Variants in EARS2 observed in about 807,000 individuals in gnomAD.
The protein encoded by EARS2 is glutamyl-tRNA synthetase 2, mitochondrial.
In EARS2, 50 loss-of-function variants were observed where a neutral mutation model predicts 54.1. That is an observed-to-expected ratio of 0.92 (90% CI 0.74 to 1.17). EARS2 has a LOEUF of 1.17. Ranked by LOEUF, EARS2 falls within the 50% of genes most tolerant of loss-of-function variation. The pLI is 0.00. For synonymous variants in EARS2, 298 were observed against 281.0 expected, an observed-to-expected ratio of 1.06 and a Z score of -0.61; for missense variants, 673 against 675.0, an observed-to-expected ratio of 1.00 and a Z score of 0.03.
chr16:23,529,720 C>T (rs771812266), intron 6 of EARS2, 24 bp downstream of exon 6: 1 of 1,613,660 alleles, frequency 6.2e-7, no homozygotes, highest in Admixed American at 1.7e-5. Context: ...CCTCCCTCAG[C>T]TTCCCAGAAT....
chr16:23,552,281 G>T lies in EARS2; in HGVS notation c.163C>A (p.Arg55Ser). ...AAGATGTAGTTGTACAAGGCAGTGCGGAGGCCACCCAGGTGCAAGAAGCCT... is the reference window on the plus strand; with the variant it reads ...AAGATGTAGTTGTACAAGGCAGTGCTGAGGCCACCCAGGTGCAAGAAGCCT... ...PTGFLHLGGLRTALYNYIFAK... is the reference protein window; with the variant it reads ...PTGFLHLGGLSTALYNYIFAK... Residue 55 changes from arginine (R) to serine (S), a missense_variant, in exon 2 of 9, where the codon CGC becomes AGC. Around this residue, in one of 3 missense-constraint regions of EARS2, gnomAD observed 316 missense variants for 275.2 expected, o/e 1.15. Coordinates refer to ENST00000449606, the MANE Select transcript of EARS2 (RefSeq NM_001083614.2). The T allele has an allele frequency of 6.2e-7, 1 of 1,614,138 alleles. No individual in the cohort carries two copies. Among genetic ancestry groups the T allele is most frequent in the Non-Finnish European group, 8.5e-7 (1 of 1,179,988 alleles).
At chr16:23,546,322 C>G in intron 2 of EARS2, 1 of 445,690 alleles carries the variant, frequency 2.2e-6, no homozygotes. Context: ...GGACATTGTT[C>G]ACCTTGCTAC....
Position 23,535,972 on chromosome 16 carries a change from C to T in EARS2, c.486-612G>A, listed in dbSNP as rs547991566. Among the ~76,000 whole-genome samples, 7 of 152,316 alleles carry T rather than the reference C, an allele frequency of 4.6e-5. No individual in the cohort carries two copies. The East Asian group carries it at 1.3e-3, about 29-fold the overall frequency. On this transcript the variant is annotated intron_variant, in intron 3 of 8. Coordinates refer to ENST00000449606, the MANE Select transcript of EARS2 (RefSeq NM_001083614.2). ...ATAGAGCCCTGGTGTCTCTACACTG[C>T]TAGTCTCATCCTGGAGTCACCCACC...
At chr16:23,553,657 C>T (rs1322516510) in intron 1 of EARS2, among the ~76,000 whole-genome samples, 2 of 151,706 alleles carry the variant, frequency 1.3e-5, no homozygotes, top group African/African-American at 4.8e-5. Flanking sequence ...TTTGGGAGGC[C>T]GAGGCGGGTG....
chr16:23,526,567 C>T (rs1467637537), intron 7 of EARS2, among the ~76,000 whole-genome samples: 2 of 152,208 alleles, frequency 1.3e-5, no homozygotes, highest in African/African-American at 4.8e-5. Context: ...ATAGATTTGA[C>T]ATAGAATGGA....
At position 23,525,287 on chromosome 16, in the gene EARS2, C is replaced by T. The variant is rs1275341540; in HGVS notation, c.1445G>A (p.Ser482Asn). Residue 482 changes from serine to asparagine, a missense_variant, in exon 8 of 9, where the codon AGT (serine) becomes AAT (asparagine). Coordinates refer to ENST00000449606, the MANE Select transcript of EARS2 (RefSeq NM_001083614.2). Reference protein sequence around the residue: ...LSEGLEGTKYSNVMKLLRMAL... With the variant: ...LSEGLEGTKYNNVMKLLRMAL... ...CATCCGAAGGAGTTTCATCACATTA[C>T]TGTACTTGGTGCCTTCCAGACCTTC... is the stretch of plus-strand genomic sequence containing the variant. The T allele has an allele frequency of 8.1e-6, 13 of 1,614,060 alleles. No homozygotes were observed. The highest frequency in any genetic ancestry group is 1.7e-5 in the Admixed American group (1 of 59,994).
At chr16:23,538,190 G>A (rs1965455840) in intron 3 of EARS2, among the ~76,000 whole-genome samples, 1 of 151,762 alleles carries the variant, frequency 6.6e-6, no homozygotes, top group African/African-American at 2.4e-5. Context: ...TTTTTGTTTT[G>A]AGATGGAGTC....
intron 3 of EARS2, among the ~76,000 whole-genome samples, chr16:23,543,554 T>TGACA (rs756777957): frequency 5.9e-5 from 9 of 151,816 alleles, no homozygotes; most frequent in Non-Finnish European, 1.3e-4. Context: ...GCCAACACAG[T>TGACA]GACACCCGTC....
chr16:23,525,118 G>C, intron 8 of EARS2, 126 bp downstream of exon 8: 1 of 1,290,644 alleles, frequency 7.7e-7, no homozygotes, highest in South Asian at 1.3e-5. Context: ...GACTAAATGA[G>C]GGGAGTGATC....
intron 3 of EARS2, among the ~76,000 whole-genome samples, chr16:23,543,265 TAAA>T (rs535628139): frequency 6.8e-6 from 1 of 146,256 alleles, no homozygotes; most frequent in Non-Finnish European, 1.5e-5. Context: ...ATGAAAAGTT[TAAA>T]AAAAAAAATT....
intron 2 of EARS2, among the ~76,000 whole-genome samples, chr16:23,549,754 C>G (rs1178650252): frequency 1.3e-5 from 2 of 152,058 alleles, no homozygotes; most frequent in South Asian, 4.1e-4. Context: ...CTGTGCCCGA[C>G]CTGGCAAGCC....
chr16:23,532,010 A>G (rs943306324), intron 5 of EARS2, among the ~76,000 whole-genome samples: 1 of 152,076 alleles, frequency 6.6e-6, no homozygotes, highest in Admixed American at 6.5e-5. Context: ...ACAGGGTTTC[A>G]CCATGTTGGC....
At chr16:23,557,131 T>A in intron 1 of EARS2, 74 bp downstream of exon 1, 1 of 1,484,416 alleles carries the variant, frequency 6.7e-7, no homozygotes, top group Non-Finnish European at 8.9e-7. Flanking sequence ...CGGAAAGGAT[T>A]CATTCGGGAA....
intron 3 of EARS2, among the ~76,000 whole-genome samples, chr16:23,543,809 T>A (rs776615323): frequency 6.7e-6 from 1 of 150,054 alleles, no homozygotes; most frequent in African/African-American, 2.5e-5. Context: ...AAGTGGAAAA[T>A]ACAACACCCA....
At chr16:23,542,320 T>TC (rs1555503918) in intron 3 of EARS2, among the ~76,000 whole-genome samples, 3 of 122,420 alleles carry the variant, frequency 2.5e-5, no homozygotes, top group African/African-American at 1.2e-4. Flanking sequence ...ATTTTTCTTT[T>TC]TTTTTTTTTT....
intron 4 of EARS2, among the ~76,000 whole-genome samples, chr16:23,533,858 A>C (rs1009919550): frequency 1.3e-5 from 2 of 152,036 alleles, no homozygotes; most frequent in African/African-American, 4.8e-5. Flanking sequence ...GAGTTCGAGA[A>C]CAGCCTGGAC....
chr16:23,527,359 T>A (rs1167998565), intron 7 of EARS2, among the ~76,000 whole-genome samples: 1 of 152,082 alleles, frequency 6.6e-6, no homozygotes, highest in Non-Finnish European at 1.5e-5. Context: ...GTGATGTCAG[T>A]TCTGACCCTG....
At chr16:23,549,026 C>T (rs1373766820) in intron 2 of EARS2, among the ~76,000 whole-genome samples, 3 of 152,188 alleles carry the variant, frequency 2.0e-5, no homozygotes, top group Non-Finnish European at 4.4e-5. Flanking sequence ...GGTACCTGCA[C>T]ACCTCATTCC....
In EARS2 at chr16:23,521,690, AC is replaced by A; in HGVS notation, c.*2680del. The stretch of plus-strand genomic sequence containing the variant: ...ATTAGGACGTATTTGTCCTTTTGTG[AC>A]TGACATTTCATTTAGCATGAAGTCC... On this transcript the variant is annotated 3_prime_UTR_variant, in exon 9 of 9. Coordinates refer to ENST00000449606, the MANE Select transcript of EARS2 (RefSeq NM_001083614.2). 1 of 455,100 alleles carries A rather than the reference AC, an allele frequency of 2.2e-6. No individual in the cohort carries two copies. Among genetic ancestry groups the A allele is most frequent in the South Asian group, 1.5e-5 (1 of 64,548 alleles). The allele number at this position is 455,100 out of a possible 1,614,324, so 28.2% of individuals were successfully genotyped here.
Sources: gnomAD v4.1 joint callset for allele counts (sites outside exome capture counted in the v4.1 genomes callset) on GRCh38, gnomAD v4.1.1 for gene constraint, gnomAD v4.1.1 regional missense constraint, MANE v1.5 for transcripts, NCBI Gene and HGNC (gene_info 2026-07-23, HGNC 2026-07-21) for gene names.